The following MYH11 variants were observed in gnomAD, a reference collection of about 807,000 sequenced individuals.
MYH11 encodes the protein myosin-11.
MYH11 carries 80 observed loss-of-function variants against 246.6 expected under a neutral mutation model. The observed-to-expected ratio is 0.32, with a 90% CI of 0.27 to 0.39. The LOEUF (loss-of-function observed/expected upper bound fraction) is 0.39. Ranked by LOEUF, MYH11 falls within the 10% of genes least tolerant of loss-of-function variation. The pLI, the probability that MYH11 is intolerant of heterozygous loss-of-function variation, is 1.00. For synonymous variants in MYH11, 1,071 were observed against 1,015.5 expected, an observed-to-expected ratio of 1.05 and a Z score of -1.04; for missense variants, 2,158 against 2,546.8, an observed-to-expected ratio of 0.85 and a Z score of 3.29.
intron 24 of MYH11, among the ~76,000 whole-genome samples, chr16:15,738,251 A>G (rs2041178610): frequency 1.3e-5 from 2 of 151,504 alleles, no homozygotes; most frequent in African/African-American, 4.8e-5. Context: ...CATGCCTATA[A>G]TCCCAGCACT....
Position 15,703,968 on chromosome 16 carries a change from G to T in MYH11, c.*23C>A. The T allele has an allele frequency of 6.2e-7, 1 of 1,613,680 alleles. No individual in the cohort carries two copies. The highest frequency in any genetic ancestry group is 8.5e-7 in the Non-Finnish European group (1 of 1,179,862). ...TTTTGGTTTTTGGTTTTCTTGCCGT[G>T]GTGCAAAACTGTAGAAAGTTGCTTA... On this transcript the variant is annotated 3_prime_UTR_variant, in exon 41 of 41. Transcript: ENST00000300036.
chr16:15,736,920 G>T, intron 25 of MYH11, among the ~76,000 whole-genome samples: 1 of 152,128 alleles, frequency 6.6e-6, no homozygotes, highest in East Asian at 1.9e-4. Flanking sequence ...CCAGCTAAGA[G>T]CCAGGAAGAG....
chr16:15,741,034 G>A, intron 22 of MYH11: 1 of 314,566 alleles, frequency 3.2e-6, no homozygotes, highest in African/African-American at 2.1e-5. Context: ...AGCCCCAGAT[G>A]AGCCTTCAGA....
At chr16:15,771,533 G>A (rs1459892347) in intron 9 of MYH11, 36 bp downstream of exon 9, 10 of 1,610,736 alleles carry the variant, frequency 6.2e-6, no homozygotes, top group Non-Finnish European at 8.5e-6. Flanking sequence ...TGGTATCCAG[G>A]CAAGCTACCC....
intron 3 of MYH11, among the ~76,000 whole-genome samples, chr16:15,812,779 GAGA>G (rs992987608): frequency 6.6e-6 from 1 of 152,024 alleles, no homozygotes; most frequent in African/African-American, 2.4e-5. Flanking sequence ...GAGCTGAGGT[GAGA>G]AGATCACTGG....
intron 40 of MYH11, among the ~76,000 whole-genome samples, chr16:15,707,978 AAG>A (rs57351581): frequency 0.058 from 7,447 of 127,440 alleles, 619 homozygotes; most frequent in African/African-American, 0.21. Flanking sequence ...AAAAAAAAAA[AAG>A]CAAAATCCCA....
chr16:15,826,701 G>T (rs2043576380), intron 2 of MYH11, among the ~76,000 whole-genome samples: 1 of 152,028 alleles, frequency 6.6e-6, no homozygotes, highest in Non-Finnish European at 1.5e-5. Context: ...TTCTTTGAAG[G>T]TACAGGATTG....
At chr16:15,757,165 G>GT (rs916178310) in intron 13 of MYH11, among the ~76,000 whole-genome samples, 68 of 151,008 alleles carry the variant, frequency 4.5e-4, no homozygotes, top group African/African-American at 1.6e-3. Context: ...TGTTAGAAAA[G>GT]TTTTTTTTGG....
At chr16:15,730,528 T>TAAGA in intron 27 of MYH11, among the ~76,000 whole-genome samples, 1 of 151,960 alleles carries the variant, frequency 6.6e-6, no homozygotes, top group South Asian at 2.1e-4. Context: ...AGTGACAGAG[T>TAAGA]AAGACTCCAC....
chr16:15,724,117 C>T, intron 31 of MYH11, 44 bp downstream of exon 31: 2 of 1,610,650 alleles, frequency 1.2e-6, no homozygotes, highest in Non-Finnish European at 1.7e-6. Flanking sequence ...GATTCCCCAA[C>T]CCAGCGTCCA....
At chr16:15,829,446 A>G (rs2043668141) in intron 2 of MYH11, among the ~76,000 whole-genome samples, 1 of 152,170 alleles carries the variant, frequency 6.6e-6, no homozygotes, top group South Asian at 2.1e-4. Context: ...GCAGCCGCAC[A>G]TCTCACGGCA....
At chr16:15,829,408 C>T (rs541424859) in intron 2 of MYH11, among the ~76,000 whole-genome samples, 12 of 152,264 alleles carry the variant, frequency 7.9e-5, no homozygotes, top group East Asian at 1.9e-4. Context: ...CAGGGTATGA[C>T]GATGGAGTGA....
intron 40 of MYH11, 22 bp from the exon 41 acceptor site, chr16:15,704,145 A>G: frequency 6.2e-7 from 1 of 1,613,536 alleles, no homozygotes; most frequent in Non-Finnish European, 8.5e-7. Flanking sequence ...AAGAAAACAC[A>G]TTATTTAGCA....
chr16:15,837,856 C>T, intron 2 of MYH11, 52 bp downstream of exon 2: 1 of 1,529,094 alleles, frequency 6.5e-7, no homozygotes, highest in Admixed American at 1.7e-5. Flanking sequence ...TTTCTAATGC[C>T]TACTTTCCTT....
chr16:15,719,117 A>G (rs2040327442), intron 36 of MYH11, 103 bp downstream of exon 36: 1 of 1,154,504 alleles, frequency 8.7e-7, no homozygotes, highest in Admixed American at 1.9e-5. Flanking sequence ...GACAGAATGA[A>G]ACTCTGTCTC....
intron 3 of MYH11, among the ~76,000 whole-genome samples, chr16:15,807,942 AG>A (rs1487312957): frequency 3.3e-5 from 5 of 152,230 alleles, no homozygotes; most frequent in African/African-American, 1.2e-4. Flanking sequence ...AGAGCACTGT[AG>A]GCTGACCATA....
chr16:15,791,387 C>T (rs1451878937), intron 4 of MYH11: 2 of 152,246 alleles, frequency 1.3e-5, no homozygotes, highest in Admixed American at 1.3e-4. Flanking sequence ...ATGAACCTCA[C>T]AGCTATTCAG....
At chr16:15,747,755 C>T (rs370399557) in intron 18 of MYH11, 25 bp from the exon 19 acceptor site, 92 of 1,613,752 alleles carry the variant, frequency 5.7e-5, no homozygotes, top group Non-Finnish European at 7.7e-5. Context: ...AAAGGAAGAG[C>T]TCCTGATTTC....
In MYH11 at chr16:15,721,429, C is replaced by T. The variant is rs1235117711; in HGVS notation, c.4571G>A (p.Gly1524Asp). ...EDLVSSKDDVGKNVHELEKSK... is the reference protein window; with the variant it reads ...EDLVSSKDDVDKNVHELEKSK... ...CCACCCAGAGCCACTTACGTTCTTG[C>T]CCACGTCATCCTTGGAGCTGACCAG... Residue 1524 changes from glycine to aspartate, a missense_variant, in exon 32 of 41, where the codon GGC (glycine) becomes GAC (aspartate). Transcript: ENST00000300036. The T allele has an allele frequency of 6.2e-7, 1 of 1,614,020 alleles. No individual in the cohort carries two copies. Among genetic ancestry groups the T allele is most frequent in the Non-Finnish European group, 8.5e-7 (1 of 1,180,000 alleles).
Sources: allele counts gnomAD v4.1 joint callset (sites outside exome capture counted in the v4.1 genomes callset), GRCh38; gene constraint gnomAD v4.1.1; transcripts MANE v1.5; gene names NCBI Gene and HGNC (gene_info 2026-07-23, HGNC 2026-07-21).